Variants in SRPRA observed in about 807,000 individuals in gnomAD.
SRPRA encodes signal recognition particle receptor subunit alpha.
Under a neutral mutation model 61.1 loss-of-function variants are expected in SRPRA, and 30 were observed. That is an observed-to-expected ratio of 0.49 (90% CI 0.37 to 0.67). The LOEUF is 0.67. Ranked by LOEUF, SRPRA falls within the 30% of genes least tolerant of loss-of-function variation. The pLI is 0.00. For synonymous variants in SRPRA, 324 were observed against 299.7 expected, an observed-to-expected ratio of 1.08 and a Z score of -0.84; for missense variants, 759 against 828.4, an observed-to-expected ratio of 0.92 and a Z score of 1.03.
chr11:126,244,311 A>T, the SRPRA span, among the ~76,000 whole-genome samples: 1 of 152,240 alleles, frequency 6.6e-6, no homozygotes, highest in Non-Finnish European at 1.5e-5. The surrounding 1 kb of genome is among the most constrained non-coding windows in gnomAD (Gnocchi z 4.5). Context: ...CTGTTTGCAG[A>T]TGTGATGATC....
downstream of SRPRA, chr11:126,262,156 G>A (rs377063940): frequency 1.1e-5 from 17 of 1,613,160 alleles, no homozygotes; most frequent in East Asian, 1.3e-4. Flanking sequence ...AATCACCACC[G>A]TTTAGACCAA....
Position 126,265,189 on chromosome 11 carries a change from AG to A in SRPRA, c.1312-18del. 6.2e-7 allele frequency: 1 copy of A among 1,614,104 alleles called. No individual in the cohort carries two copies. The highest frequency in any genetic ancestry group is 1.3e-5 in the African/African-American group (1 of 75,058). The stretch of plus-strand genomic sequence containing the variant: ...GAAGGAAATCTGTGAAAAAGACGTA[AG>A]AAAAGTCACCTAAAGCCAGGATTTT... On this transcript the variant is annotated intron_variant, in intron 10 of 13. Coordinates refer to ENST00000332118, the MANE Select transcript of SRPRA (RefSeq NM_003139.4). The surrounding 1 kb of genome is among the most constrained non-coding windows in gnomAD (Gnocchi z 6.3).
the SRPRA span, among the ~76,000 whole-genome samples, chr11:126,242,555 A>C: frequency 2.0e-5 from 3 of 152,254 alleles, no homozygotes; most frequent in African/African-American, 7.2e-5. Flanking sequence ...CTAATAATTC[A>C]ATTTTAAAAT....
chr11:126,244,833 T>A, the SRPRA span, among the ~76,000 whole-genome samples: 1 of 152,144 alleles, frequency 6.6e-6, no homozygotes, highest in African/African-American at 2.4e-5. This position sits in a 1 kb window ranked among gnomAD's most constrained non-coding sequence, Gnocchi z 4.5. Context: ...GGAGAACTTA[T>A]GCTTTGAAAA....
At chr11:126,240,719 G>C in the SRPRA span, 1 of 1,437,222 alleles carries the variant, frequency 7.0e-7, no homozygotes, top group Non-Finnish European at 9.3e-7. Context: ...ACTGTAACCT[G>C]AGTCAGACAG....
chr11:126,260,136 G>A (rs1160491888), downstream of SRPRA, among the ~76,000 whole-genome samples: 2 of 150,430 alleles, frequency 1.3e-5, no homozygotes, highest in Admixed American at 1.3e-4. Context: ...GGGCTCAGGC[G>A]ATCCTCCCAC....
At chr11:126,262,224 A>G, downstream of SRPRA, 12 of 1,409,738 alleles carry the variant, frequency 8.5e-6, no homozygotes, top group Non-Finnish European at 1.1e-5. Context: ...AACCCAACAC[A>G]ATTCCCAGAA....
Position 126,267,906 on chromosome 11 carries a change from T to TA in SRPRA, c.201+96dup, listed in dbSNP as rs1950850441. On this transcript the variant is annotated intron_variant, in intron 2 of 13. Transcript: ENST00000332118. This position sits in a 1 kb window ranked among gnomAD's most constrained non-coding sequence, Gnocchi z 4.2. Reference sequence around the variant, plus strand: ...CATCTACCTTTCTAGTTTTTTCAGTTACGTCATCATATACACTGGCTGCAA... The same window carrying TA: ...CATCTACCTTTCTAGTTTTTTCAGTTAACGTCATCATATACACTGGCTGCAA... 4.1e-6 allele frequency: 6 copies of TA among 1,445,830 alleles called. No homozygotes were observed. The highest frequency in any genetic ancestry group is 1.4e-5 in the African/African-American group (1 of 71,432). The allele number at this position is 1,445,830 out of a possible 1,614,324, so 89.6% of individuals were successfully genotyped here.
At chr11:126,248,495 C>T in the SRPRA span, among the ~76,000 whole-genome samples, 3 of 150,872 alleles carry the variant, frequency 2.0e-5, no homozygotes, top group Admixed American at 6.6e-5. Context: ...CTCAGCCTCC[C>T]GAGTAGCTGG....
At chr11:126,255,925 C>A in the SRPRA span, among the ~76,000 whole-genome samples, 2 of 152,078 alleles carry the variant, frequency 1.3e-5, no homozygotes, top group African/African-American at 4.8e-5. The surrounding 1 kb of genome is among the most constrained non-coding windows in gnomAD (Gnocchi z 4.6). Context: ...CACTGCACTC[C>A]AGCCTAGGTG....
At chr11:126,248,804 G>A in the SRPRA span, among the ~76,000 whole-genome samples, 3 of 152,288 alleles carry the variant, frequency 2.0e-5, no homozygotes, top group South Asian at 2.1e-4. Flanking sequence ...ACACAGTTCC[G>A]TTGGGGTTAA....
At chr11:126,260,420 GAA>G (rs1950665274), downstream of SRPRA, 1 of 145,672 alleles carries the variant, frequency 6.9e-6, no homozygotes, top group African/African-American at 2.5e-5. Context: ...TTGGTCCTTT[GAA>G]AATTCAGTAG....
chr11:126,266,662 G>A (rs1366656771), intron 5 of SRPRA, 33 bp from the exon 6 acceptor site: 1 of 1,610,014 alleles, frequency 6.2e-7, no homozygotes. Flanking sequence ...GAGTTATGGT[G>A]GAGAAGTAGG....
Position 126,267,391 on chromosome 11 carries a change from G to GAGAAA in SRPRA, c.366-57_366-56insTTTCT. 1 of 1,601,578 alleles carries GAGAAA rather than the reference G, an allele frequency of 6.2e-7. No homozygotes were observed. Among genetic ancestry groups the GAGAAA allele is most frequent in the Non-Finnish European group, 8.5e-7 (1 of 1,174,034 alleles). ...TACCCCATGCAGAAGGAAAAATAAC[G>GAGAAA]GTCCAGAGAAAGGACTCTCACACCC... On this transcript the variant is annotated intron_variant, in intron 3 of 13. Transcript: ENST00000332118. This position sits in a 1 kb window ranked among gnomAD's most constrained non-coding sequence, Gnocchi z 4.2.
chr11:126,264,861 GTC>G lies in SRPRA; in HGVS notation c.1525+96_1525+97del. On this transcript the variant is annotated intron_variant, in intron 11 of 13. Coordinates refer to ENST00000332118, the MANE Select transcript of SRPRA (RefSeq NM_003139.4). The surrounding 1 kb of genome is among the most constrained non-coding windows in gnomAD (Gnocchi z 5.0). ...ACTTTTTACTGTAATTGACCAACGA[GTC>G]TGTAGTAGCACAAGCCTGATCTTCT... is the stretch of plus-strand genomic sequence containing the variant. The G allele has an allele frequency of 8.5e-7, 1 of 1,169,734 alleles. No homozygotes were observed. Among genetic ancestry groups the G allele is most frequent in the Non-Finnish European group, 1.2e-6 (1 of 841,918 alleles). 72.5% of individuals were successfully genotyped at this position (1,169,734 alleles called of 1,614,324 possible). A position where few individuals can be genotyped will look rare whatever the true frequency, so the allele number is the denominator to read the frequency against.
chr11:126,255,350 G>T, the SRPRA span, among the ~76,000 whole-genome samples: 4 of 152,156 alleles, frequency 2.6e-5, no homozygotes, highest in Non-Finnish European at 5.9e-5. This position sits in a 1 kb window ranked among gnomAD's most constrained non-coding sequence, Gnocchi z 4.6. Context: ...AAAAGACCGA[G>T]AAAATGTATT....
At chr11:126,236,537 T>C in the SRPRA span, among the ~76,000 whole-genome samples, 3 of 152,182 alleles carry the variant, frequency 2.0e-5, no homozygotes, top group Non-Finnish European at 4.4e-5. Flanking sequence ...TTATTCTCAG[T>C]AACCTGAAAT....
Position 126,267,940 on chromosome 11 carries a change from A to G in SRPRA, c.201+63T>C, listed in dbSNP as rs371042503. The G allele has an allele frequency of 1.3e-5, 20 of 1,543,592 alleles. No homozygotes were observed. The African/African-American group carries it at 2.3e-4, about 18-fold the overall frequency. ...ATATACACTGGCTGCAATTAATCAG[A>G]GTTCTCTTAAAAATCAGGGCTATGT... On this transcript the variant is annotated intron_variant, in intron 2 of 13. Coordinates refer to ENST00000332118, the MANE Select transcript of SRPRA (RefSeq NM_003139.4). The surrounding 1 kb of genome is among the most constrained non-coding windows in gnomAD (Gnocchi z 4.2).
Position 126,265,521 on chromosome 11 carries a change from G to T in SRPRA, c.1139-81C>A. ...AATGCCTAACACCTTTCTGAGCTAA[G>T]GGGACTAAAACAGTAAATTAGACTC... On this transcript the variant is annotated intron_variant, in intron 9 of 13. Coordinates refer to ENST00000332118, the MANE Select transcript of SRPRA (RefSeq NM_003139.4). This position sits in a 1 kb window ranked among gnomAD's most constrained non-coding sequence, Gnocchi z 6.3. 1.3e-6 allele frequency: 2 copies of T among 1,486,882 alleles called. No homozygotes were observed. Among genetic ancestry groups the T allele is most frequent in the Non-Finnish European group, 9.1e-7 (1 of 1,097,488 alleles). The allele number at this position is 1,486,882 out of a possible 1,614,324, so 92.1% of individuals were successfully genotyped here.
Sources: allele counts gnomAD v4.1 joint callset (sites outside exome capture counted in the v4.1 genomes callset), GRCh38; gene constraint gnomAD v4.1.1; non-coding constraint Gnocchi (gnomAD v3.1); transcripts MANE v1.5; gene names NCBI Gene and HGNC (gene_info 2026-07-23, HGNC 2026-07-21).